Variants in CADPS2 observed in about 807,000 individuals in gnomAD.
CADPS2 encodes the protein calcium dependent secretion activator 2.
A neutral mutation model predicts 172.5 loss-of-function variants in CADPS2; 93 were observed. The observed-to-expected ratio is 0.54, with a 90% CI of 0.46 to 0.64. The LOEUF is 0.64. Among genes scored for constraint, CADPS2 ranks in the 30% least tolerant of loss-of-function variants. The pLI is 0.00. For synonymous variants in CADPS2, 546 were observed against 555.2 expected (o/e 0.98, Z 0.23); for missense variants, 1,420 against 1,565.9 (o/e 0.91, Z 1.57).
chr7:122,836,232 G>C (rs916373366), intron 1 of CADPS2, among the ~76,000 whole-genome samples: 2 of 152,040 alleles, frequency 1.3e-5, no homozygotes, highest in South Asian at 4.2e-4. Context: ...CAAATGATAA[G>C]AGATTTTGTC....
chr7:122,838,335 C>G (rs1396663710), intron 1 of CADPS2, among the ~76,000 whole-genome samples: 1 of 152,108 alleles, frequency 6.6e-6, no homozygotes, highest in Non-Finnish European at 1.5e-5. Context: ...ACTGAATGGG[C>G]AAAAACTGGA....
At position 122,534,222 on chromosome 7, in the gene CADPS2, G is replaced by A. The variant is rs1041077185; in HGVS notation, c.1475+20328C>T. Among the ~76,000 whole-genome samples, 5 of 151,896 alleles carry A rather than the reference G, an allele frequency of 3.3e-5. No homozygotes were observed. In the South Asian group the frequency reaches 8.3e-4, roughly 25 times the overall value. Reference sequence around the variant, plus strand: ...TAAACTCTAGACAACTTTAATATGAGGGATTTTGTTTCCTAATCTTACATT... The same window carrying A: ...TAAACTCTAGACAACTTTAATATGAAGGATTTTGTTTCCTAATCTTACATT... On this transcript the variant is annotated intron_variant, in intron 8 of 29. Coordinates refer to ENST00000449022, the MANE Select transcript of CADPS2 (RefSeq NM_017954.11).
intron 1 of CADPS2, among the ~76,000 whole-genome samples, chr7:122,794,964 A>G (rs1589244373): frequency 6.6e-6 from 1 of 152,194 alleles, no homozygotes; most frequent in East Asian, 1.9e-4. Context: ...GGACACAGCT[A>G]AGGCCATGTT....
intron 3 of CADPS2, among the ~76,000 whole-genome samples, chr7:122,631,479 A>C (rs540607755): frequency 2.0e-5 from 3 of 152,144 alleles, no homozygotes; most frequent in Non-Finnish European, 4.4e-5. Flanking sequence ...AGTTCTCGCT[A>C]TGTTGCCCAG....
rs114452324 is a variant in CADPS2 at position 122,520,132 on chromosome 7, C to T, written c.1476-6817G>A. 7.7e-3 allele frequency among the ~76,000 whole-genome samples: 1,171 copies of T among 151,990 alleles called. 13 individuals are homozygous for T. Among genetic ancestry groups the T allele is most frequent in the African/African-American group, 0.027 (1,106 of 41,510 alleles). The stretch of plus-strand genomic sequence containing the variant: ...CTTTATGAAATCCATCAGAATGTTC[C>T]GTGACAGCAGGAACAAAAACTTTTC... On this transcript the variant is annotated intron_variant, in intron 8 of 29. Coordinates refer to ENST00000449022, the MANE Select transcript of CADPS2 (RefSeq NM_017954.11).
chr7:122,836,465 A>G lies in CADPS2; in HGVS notation c.339+49534T>C, dbSNP rs190704225. 5.9e-5 allele frequency among the ~76,000 whole-genome samples: 9 copies of G among 152,332 alleles called. 1 individual carries two copies. The highest frequency in any genetic ancestry group is 3.9e-4 in the Admixed American group (6 of 15,296). ...AAATGTAAATGGGCTAAATCCTCCA[A>G]TTAAATGACACAGACTGGCAAATTG... On this transcript the variant is annotated intron_variant, in intron 1 of 29. Coordinates refer to ENST00000449022, the MANE Select transcript of CADPS2 (RefSeq NM_017954.11).
intron 2 of CADPS2, among the ~76,000 whole-genome samples, chr7:122,693,508 A>T (rs1382024377): frequency 2.0e-5 from 3 of 152,216 alleles, no homozygotes; most frequent in Non-Finnish European, 2.9e-5. Context: ...TTGTGTGCAC[A>T]CTGGAATACC....
intron 1 of CADPS2, among the ~76,000 whole-genome samples, chr7:122,865,427 G>A (rs1392584937): frequency 6.6e-6 from 1 of 152,180 alleles, no homozygotes; most frequent in South Asian, 2.1e-4. Context: ...ACACATGTGA[G>A]ACCCTGACTG....
chr7:122,526,561 C>T (rs998447535), intron 8 of CADPS2, among the ~76,000 whole-genome samples: 4 of 152,148 alleles, frequency 2.6e-5, no homozygotes, highest in Admixed American at 6.6e-5. Context: ...TCTGGGTTCT[C>T]ACTACTCTTC....
At chr7:122,528,213 G>A (rs1281682479) in intron 8 of CADPS2, among the ~76,000 whole-genome samples, 2 of 151,980 alleles carry the variant, frequency 1.3e-5, no homozygotes, top group African/African-American at 4.8e-5. Context: ...TCTTTGGGGT[G>A]TGAGGATGGT....
At chr7:122,634,278 C>G (rs2076848417) in intron 3 of CADPS2, among the ~76,000 whole-genome samples, 1 of 152,092 alleles carries the variant, frequency 6.6e-6, no homozygotes, top group Non-Finnish European at 1.5e-5. Context: ...GCTATAAATG[C>G]TGAGCTAAGA....
chr7:122,737,246 A>G (rs1368164551), intron 1 of CADPS2, among the ~76,000 whole-genome samples, 178 bp from the exon 2 acceptor site: 1 of 152,176 alleles, frequency 6.6e-6, no homozygotes, highest in Non-Finnish European at 1.5e-5. Context: ...CCATCTCAAG[A>G]TGGAGTCAAG....
intron 3 of CADPS2, among the ~76,000 whole-genome samples, chr7:122,630,379 A>G (rs1244864451): frequency 7.6e-6 from 1 of 131,866 alleles, no homozygotes; most frequent in Non-Finnish European, 1.7e-5. Flanking sequence ...TGAAGAGTCA[A>G]AAAAAAAAAA....
chr7:122,884,350 C>G (rs995767921), intron 1 of CADPS2, among the ~76,000 whole-genome samples: 1 of 152,138 alleles, frequency 6.6e-6, no homozygotes, highest in Non-Finnish European at 1.5e-5. Context: ...TCAATTAGAG[C>G]AGCTGATTAG....
chr7:122,554,424 A>G, intron 8 of CADPS2, 126 bp downstream of exon 8: 1 of 877,322 alleles, frequency 1.1e-6, no homozygotes, highest in South Asian at 2.0e-5. Flanking sequence ...TAACTTACGT[A>G]TGTCACTTTT....
rs76343501 is a variant in CADPS2, at chr7:122,537,290, A to C, written c.1475+17260T>G. The stretch of plus-strand genomic sequence containing the variant: ...TATGAATGGTAATACAAGCAAAAAA[A>C]AAACAAACAAACAAAAAACAAAAGA... On this transcript the variant is annotated intron_variant, in intron 8 of 29. Transcript: ENST00000449022. Among the ~76,000 whole-genome samples, 453 of 151,926 alleles carry C rather than the reference A, an allele frequency of 3.0e-3. 2 individuals carry two copies. Among genetic ancestry groups the C allele is most frequent in the African/African-American group, 8.6e-3 (356 of 41,534 alleles).
intron 2 of CADPS2, among the ~76,000 whole-genome samples, chr7:122,725,484 A>G (rs558914751): frequency 6.6e-6 from 1 of 151,694 alleles, no homozygotes; most frequent in Non-Finnish European, 1.5e-5. Flanking sequence ...CTGGGCTTTT[A>G]GTGTACCCAT....
intron 2 of CADPS2, among the ~76,000 whole-genome samples, chr7:122,723,220 A>C (rs2090675728): frequency 6.6e-6 from 1 of 152,190 alleles, no homozygotes; most frequent in Non-Finnish European, 1.5e-5. Flanking sequence ...CAGTGAAAGA[A>C]ACTACCATCA....
chr7:122,404,819 C>T (rs1585687530), intron 20 of CADPS2, among the ~76,000 whole-genome samples: 1 of 151,980 alleles, frequency 6.6e-6, no homozygotes, highest in Non-Finnish European at 1.5e-5. Context: ...ATAGAGAAAA[C>T]AGTGTTAAAA....
Sources: gnomAD v4.1 joint callset for allele counts (sites outside exome capture counted in the v4.1 genomes callset) on GRCh38, gnomAD v4.1.1 for gene constraint, MANE v1.5 for transcripts, NCBI Gene and HGNC (gene_info 2026-07-23, HGNC 2026-07-21) for gene names.